PSMD8: variants seen among roughly 807,000 people sequenced by gnomAD.
PSMD8 encodes proteasome 26S subunit, non-ATPase 8.
In PSMD8, 30 loss-of-function variants were observed where a neutral mutation model predicts 40.0. The observed-to-expected ratio is 0.75, with a 90% CI of 0.56 to 1.02. The LOEUF (loss-of-function observed/expected upper bound fraction) is 1.02. Ranked by LOEUF, PSMD8 falls within the 50% of genes least tolerant of loss-of-function variation. PSMD8 has a pLI of 0.00. For missense variants in PSMD8, 461 were observed against 463.9 expected (o/e 0.99, Z 0.06); for synonymous variants, 208 against 192.5 (o/e 1.08, Z -0.67).
Position 38,380,887 on chromosome 19 carries a change from C to A in PSMD8, c.703-12C>A. 1.3e-6 allele frequency: 2 copies of A among 1,552,370 alleles called. No individual in the cohort carries two copies. The highest frequency in any genetic ancestry group is 1.2e-5 in the South Asian group (1 of 83,938). ...TTCATTCTCTCTTCTTCCCCCTTCC[C>A]GGCTTCTGCAGTACCTGATGGAGGG... is the stretch of plus-strand genomic sequence containing the variant. On this transcript the variant is annotated splice_polypyrimidine_tract_variant and intron_variant, in intron 4 of 6. Coordinates refer to ENST00000215071, the MANE Select transcript of PSMD8 (RefSeq NM_002812.5).
At chr19:38,380,553 G>C (rs1600498257) in intron 4 of PSMD8, among the ~76,000 whole-genome samples, 1 of 151,632 alleles carries the variant, frequency 6.6e-6, no homozygotes, top group Non-Finnish European at 1.5e-5. Context: ...GGGCAAAGGT[G>C]TACAGGGATG....
intron 4 of PSMD8, 41 bp from the exon 5 acceptor site, chr19:38,380,858 C>T: frequency 3.4e-6 from 5 of 1,473,558 alleles, no homozygotes; most frequent in Non-Finnish European, 3.7e-6. Flanking sequence ...TTTGCAGCCT[C>T]CTCTTCATTC....
chr19:38,380,705 A>AGG (rs777632680), intron 4 of PSMD8, among the ~76,000 whole-genome samples, 194 bp from the exon 5 acceptor site: 3 of 112,492 alleles, frequency 2.7e-5, no homozygotes, highest in Non-Finnish European at 4.0e-5. Context: ...AGAGAGAGAG[A>AGG]GAGTGTGTGT....
chr19:38,383,445 C>T lies in PSMD8; in HGVS notation c.*55C>T. On this transcript the variant is annotated 3_prime_UTR_variant, in exon 7 of 7. Transcript: ENST00000215071. The stretch of plus-strand genomic sequence containing the variant: ...CGAGTTATTTAAAACAGTTACACTG[C>T]AGGGTTTCGCCCAATAAAGGTGGAC... 6.2e-7 allele frequency: 1 copy of T among 1,605,600 alleles called. No homozygotes were observed. Among genetic ancestry groups the T allele is most frequent in the Admixed American group, 1.7e-5 (1 of 59,614 alleles).
At chr19:38,377,072 A>T (rs1490811177) in intron 3 of PSMD8, among the ~76,000 whole-genome samples, 1 of 152,220 alleles carries the variant, frequency 6.6e-6, no homozygotes. Flanking sequence ...AATGATTGGG[A>T]ATTTGACATC....
chr19:38,376,417 T>A lies in PSMD8; in HGVS notation c.499T>A (p.Tyr167Asn), dbSNP rs1380956302. The change falls in exon 3 of 7, where the codon TAC becomes AAC. Residue 167 changes from tyrosine (Y) to asparagine (N), a missense_variant. Tyr to Asn is a moderately radical substitution (Grantham distance 143, BLOSUM62 -2). Transcript: ENST00000215071. ...CAAGGACATCCCCTCCTTCGAGCGC[T>A]ACATGGCCCAGCTCAAATGCTACTA... is the stretch of plus-strand genomic sequence containing the variant. The part of the protein sequence containing the change: ...LRKDIPSFER[Y>N]MAQLKCYYFD... The A allele has an allele frequency of 1.3e-6, 2 of 1,552,182 alleles. No individual in the cohort carries two copies. The highest frequency in any genetic ancestry group is 1.7e-6 in the Non-Finnish European group (2 of 1,147,274).
Position 38,382,215 on chromosome 19 carries a change from A to G in PSMD8, c.902A>G (p.Asp301Gly). Residue 301 changes from aspartate (D) to glycine (G), a missense_variant, in exon 6 of 7, where the codon GAC becomes GGC. Physicochemically the swap from Asp to Gly is moderately conservative, Grantham distance 94. Coordinates refer to ENST00000215071, the MANE Select transcript of PSMD8 (RefSeq NM_002812.5). ...TTCAACACACCCAAAAAGATGACAG[A>G]CTACGCCAAGAAGGTGGCTGGGGTA... ...LFFNTPKKMTDYAKKRGWVLG... is the reference protein window; with the variant it reads ...LFFNTPKKMTGYAKKRGWVLG... The G allele has an allele frequency of 1.3e-6, 2 of 1,591,440 alleles. No individual in the cohort carries two copies. Among genetic ancestry groups the G allele is most frequent in the Admixed American group, 1.8e-5 (1 of 56,408 alleles).
In PSMD8 at chr19:38,382,136, A is replaced by C; in HGVS notation, c.823A>C (p.Ile275Leu). Residue 275 changes from isoleucine to leucine, a missense_variant, in exon 6 of 7, where the codon ATC (isoleucine) becomes CTC (leucine). Physicochemically the swap from Ile to Leu is conservative, Grantham distance 5. Around this residue, in one of 2 missense-constraint regions of PSMD8, gnomAD observed 236 missense variants for 321.2 expected, o/e 0.73. Transcript: ENST00000215071. ...DTIRDEIAGC[I>L]EKAYEKILFT... ...CCCCAGGGATGAGATCGCTGGGTGC[A>C]TCGAGAAGGCCTACGAGAAAATCCT... 1 of 1,576,608 alleles carries C rather than the reference A, an allele frequency of 6.3e-7. No individual in the cohort carries two copies. Among genetic ancestry groups the C allele is most frequent in the Non-Finnish European group, 8.6e-7 (1 of 1,161,754 alleles).
At position 38,382,202 on chromosome 19, in the gene PSMD8, A is replaced by G; in HGVS notation, c.889A>G (p.Lys297Glu). The G allele has an allele frequency of 6.3e-7, 1 of 1,596,184 alleles. No individual in the cohort carries two copies. Among genetic ancestry groups the G allele is most frequent in the Non-Finnish European group, 8.5e-7 (1 of 1,171,786 alleles). ...ATRILFFNTP[K>E]KMTDYAKKRG... ...CCGGATCCTCTTCTTCAACACACCC[A>G]AAAAGATGACAGACTACGCCAAGAA... The change falls in exon 6 of 7, where the codon AAA becomes GAA. Residue 297 changes from lysine to glutamate, a missense_variant. Physicochemically the swap from Lys to Glu is moderately conservative, Grantham distance 56. Coordinates refer to ENST00000215071, the MANE Select transcript of PSMD8 (RefSeq NM_002812.5).
In PSMD8 at chr19:38,380,939, A is replaced by T; in HGVS notation, c.743A>T (p.Lys248Met). Residue 248 changes from lysine to methionine, a missense_variant, in exon 5 of 7, where the codon AAG (lysine) becomes ATG (methionine). Transcript: ENST00000215071. Reference sequence around the variant, plus strand: ...AGCTACAACAAAGTGTTCCTGGCCAAGGGTAACATCCCCGCCGAGAGCTAC... The same window carrying T: ...AGCTACAACAAAGTGTTCCTGGCCATGGGTAACATCCCCGCCGAGAGCTAC... ...EGSYNKVFLA[K>M]GNIPAESYTF... is the part of the protein sequence containing the mutation. The T allele has an allele frequency of 6.4e-7, 1 of 1,558,996 alleles. No homozygotes were observed. Among genetic ancestry groups the T allele is most frequent in the South Asian group, 1.2e-5 (1 of 84,216 alleles).
At chr19:38,377,653 C>T (rs563342237) in intron 3 of PSMD8, among the ~76,000 whole-genome samples, 80 of 152,168 alleles carry the variant, frequency 5.3e-4, no homozygotes, top group Non-Finnish European at 9.7e-4. Flanking sequence ...TGCGCCACCA[C>T]GCCCTGCTAG....
rs1970587208 is a variant in PSMD8, at chr19:38,375,097, G to A, written c.360+136G>A. ...CTGAGGCGGGCTGGGGGATCCGATG[G>A]GGTGAAAGATTTGGAACAGCCAAAG... is the stretch of plus-strand genomic sequence containing the variant. On this transcript the variant is annotated intron_variant, in intron 1 of 6. Coordinates refer to ENST00000215071, the MANE Select transcript of PSMD8 (RefSeq NM_002812.5). 10 of 1,397,314 alleles carry A rather than the reference G, an allele frequency of 7.2e-6. No homozygotes were observed. The South Asian group carries it at 1.4e-4, about 20-fold the overall frequency. The allele number at this position is 1,397,314 out of a possible 1,614,324, so 86.6% of individuals were successfully genotyped here.
intron 4 of PSMD8, among the ~76,000 whole-genome samples, chr19:38,380,658 T>C (rs1204031200): frequency 4.6e-5 from 1 of 21,670 alleles, no homozygotes. Context: ...AGAGCAGGCT[T>C]GGGGGGAGGG....
Position 38,383,303 on chromosome 19 carries a change from GC to G in PSMD8, c.967del (p.Gln323ArgfsTer26), listed in dbSNP as rs1169307855. On this transcript the variant is annotated frameshift_variant, in exon 7 of 7. Coordinates refer to ENST00000215071, the MANE Select transcript of PSMD8 (RefSeq NM_002812.5). LOFTEE classifies it high-confidence loss of function. ...ACTACTACAGTTTTGCCAGCCAGCA[GC>G]AGAAGCCGGAAGACACCACCATTCC... is the stretch of plus-strand genomic sequence containing the variant. The part of the protein sequence containing the change: ...NNYYSFASQQ[Q>X]KPEDTTIPST... The G allele has an allele frequency of 1.2e-6, 2 of 1,613,690 alleles. No individual in the cohort carries two copies. The highest frequency in any genetic ancestry group is 1.7e-6 in the Non-Finnish European group (2 of 1,179,886).
At chr19:38,383,180 G>A in intron 6 of PSMD8, 73 bp from the exon 7 acceptor site, 1 of 1,590,732 alleles carries the variant, frequency 6.3e-7, no homozygotes, top group Non-Finnish European at 8.6e-7. Context: ...ACGTGGGCAA[G>A]TGCTGGCCCC....
At chr19:38,381,729 G>A (rs149794686) in intron 5 of PSMD8, among the ~76,000 whole-genome samples, 3 of 152,234 alleles carry the variant, frequency 2.0e-5, no homozygotes, top group South Asian at 2.1e-4. Context: ...GGTGTTGTTC[G>A]TGGTGCCTCT....
At chr19:38,377,607 C>T (rs1970608370) in intron 3 of PSMD8, among the ~76,000 whole-genome samples, 2 of 152,274 alleles carry the variant, frequency 1.3e-5, no homozygotes, top group Non-Finnish European at 2.9e-5. Flanking sequence ...AGCTATTCTC[C>T]TGCCTCAGTC....
intron 6 of PSMD8, 46 bp downstream of exon 6, chr19:38,382,274 T>C (rs1352346410): frequency 6.9e-7 from 1 of 1,452,140 alleles, no homozygotes; most frequent in Non-Finnish European, 9.5e-7. Flanking sequence ...AGGGGTGAAG[T>C]CACTAACAAC....
At position 38,374,647 on chromosome 19, in the gene PSMD8, C is replaced by CGGCGGGCTACCCGG. The variant is rs767385620; in HGVS notation, c.55_68dup (p.Arg24ProfsTer5). The CGGCGGGCTACCCGG allele has an allele frequency of 2.0e-6, 3 of 1,515,158 alleles. No individual in the cohort carries two copies. The highest frequency in any genetic ancestry group is 2.6e-6 in the Non-Finnish European group (3 of 1,139,098). 93.9% of individuals were successfully genotyped at this position (1,515,158 alleles called of 1,614,324 possible). A position where few individuals can be genotyped will look rare whatever the true frequency, so the allele number is the denominator to read the frequency against. On this transcript the variant is annotated frameshift_variant, in exon 1 of 7. Transcript: ENST00000215071. LOFTEE classifies it high-confidence loss of function. The stretch of plus-strand genomic sequence containing the variant: ...TCCGAGGGCGCCACCTCGAGAGCGA[C>CGGCGGGCTACCCGG]GGCGGGCTACCCGGGGCGGGCTGAG...
Sources: allele counts gnomAD v4.1 joint callset (sites outside exome capture counted in the v4.1 genomes callset), GRCh38; gene constraint gnomAD v4.1.1; regional missense constraint gnomAD v4.1.1; transcripts MANE v1.5; gene names NCBI Gene and HGNC (gene_info 2026-07-23, HGNC 2026-07-21).